MYZAP: variants seen among roughly 807,000 people sequenced by gnomAD.
MYZAP encodes myocardial zonula adherens protein.
Under a neutral mutation model 69.4 loss-of-function variants are expected in MYZAP, and 66 were observed. The observed-to-expected ratio is 0.95, with a 90% CI of 0.78 to 1.17. The LOEUF is 1.17. MYZAP is among the 50% of genes most tolerant of loss of function. The pLI is 0.00. For missense variants in MYZAP, 611 were observed against 556.2 expected (o/e 1.10, Z -0.99); for synonymous variants, 256 against 205.9 (o/e 1.24, Z -2.09).
At chr15:57,675,933 G>A (rs945515454) in intron 12 of MYZAP, among the ~76,000 whole-genome samples, 6 of 152,116 alleles carry the variant, frequency 3.9e-5, no homozygotes, top group Non-Finnish European at 8.8e-5. Flanking sequence ...GTGTGAACAG[G>A]GGCACTTGTG....
intron 2 of MYZAP, among the ~76,000 whole-genome samples, chr15:57,608,375 C>T (rs919045813): frequency 7.2e-5 from 11 of 152,332 alleles, no homozygotes; most frequent in African/African-American, 2.6e-4. Context: ...GTATTTTGCC[C>T]ATTTCCACAA....
chr15:57,654,040 TTTAGAGG>T (rs11277740), intron 10 of MYZAP, among the ~76,000 whole-genome samples: 123,459 of 128,872 alleles, frequency 0.96, 59,458 homozygotes, highest in East Asian at 1. Flanking sequence ...AAAGTCCCTA[TTTAGAGG>T]TTAGAGGTTA....
chr15:57,684,416 C>T lies in MYZAP; in HGVS notation c.1319C>T (p.Thr440Ile), dbSNP rs1164439031. The T allele has an allele frequency of 1.9e-6, 3 of 1,612,712 alleles. No homozygotes were observed. The highest frequency in any genetic ancestry group is 2.5e-6 in the Non-Finnish European group (3 of 1,179,308). ...TCATTTCTCAGCCAAACAGGCAGGA[C>T]TCGTGAAATTGTGATGCCTTCTAGG... The part of the protein sequence containing the change: ...CDLLPSQTGR[T>I]REIVMPSRNY... The change falls in exon 13 of 13, where the codon ACT (threonine) becomes ATT (isoleucine). Residue 440 changes from threonine to isoleucine, a missense_variant. Coordinates refer to ENST00000267853, the MANE Select transcript of MYZAP (RefSeq NM_001018100.5).
chr15:57,627,501 T>C (rs184163714), intron 5 of MYZAP, among the ~76,000 whole-genome samples: 28 of 151,760 alleles, frequency 1.8e-4, no homozygotes, highest in Non-Finnish European at 3.5e-4. Flanking sequence ...TGATGCACGG[T>C]GTTAGGCACT....
chr15:57,604,154 G>A, intron 1 of MYZAP, 115 bp from the exon 2 acceptor site: 1 of 1,116,094 alleles, frequency 9.0e-7, no homozygotes, highest in South Asian at 1.4e-5. Context: ...GTATGATCAG[G>A]ACAGTGTTCC....
intron 10 of MYZAP, among the ~76,000 whole-genome samples, chr15:57,643,743 T>G (rs1354051996): frequency 3.2e-5 from 4 of 125,084 alleles, no homozygotes; most frequent in Admixed American, 8.2e-5. Flanking sequence ...TTTTTTTTGT[T>G]TTTTTTTTTT....
intron 9 of MYZAP, among the ~76,000 whole-genome samples, 197 bp downstream of exon 9, chr15:57,637,971 T>C (rs978109593): frequency 6.6e-6 from 1 of 152,214 alleles, no homozygotes. Context: ...CTGCAGATCA[T>C]GGCTGGTTGT....
chr15:57,607,463 A>T (rs558709697), intron 2 of MYZAP, among the ~76,000 whole-genome samples: 9 of 145,072 alleles, frequency 6.2e-5, no homozygotes, highest in East Asian at 1.9e-4. Flanking sequence ...CCTCTTTTTT[A>T]AAAAAAAATC....
intron 10 of MYZAP, among the ~76,000 whole-genome samples, chr15:57,653,437 A>G (rs1366738556): frequency 2.0e-5 from 3 of 152,206 alleles, no homozygotes; most frequent in African/African-American, 7.2e-5. Context: ...AAACAAAATA[A>G]AACAAATTTT....
intron 1 of MYZAP, among the ~76,000 whole-genome samples, chr15:57,592,969 T>C (rs1245811811): frequency 6.6e-6 from 1 of 152,122 alleles, no homozygotes; most frequent in Non-Finnish European, 1.5e-5. Context: ...AAACAGGTGG[T>C]TAAGTCCAAA....
intron 12 of MYZAP, 124 bp downstream of exon 12, chr15:57,675,192 G>C: frequency 1.1e-6 from 1 of 903,896 alleles, no homozygotes. Flanking sequence ...GCAAAGCCGA[G>C]TGGTGGCTGC....
intron 2 of MYZAP, among the ~76,000 whole-genome samples, chr15:57,606,614 A>T (rs886517131): frequency 6.6e-6 from 1 of 151,480 alleles, no homozygotes; most frequent in Admixed American, 6.6e-5. Flanking sequence ...GCATTAGGAG[A>T]TATACCTAAT....
intron 12 of MYZAP, among the ~76,000 whole-genome samples, chr15:57,683,751 A>G (rs1344323827): frequency 2.0e-5 from 3 of 151,562 alleles, no homozygotes; most frequent in African/African-American, 7.3e-5. Context: ...TCTTCTTGCT[A>G]TGTCCTCACA....
intron 1 of MYZAP, among the ~76,000 whole-genome samples, chr15:57,603,980 A>G (rs2034578785): frequency 6.6e-6 from 1 of 152,208 alleles, no homozygotes. Context: ...ATCATTCTAT[A>G]CATATTCTTA....
intron 2 of MYZAP, among the ~76,000 whole-genome samples, chr15:57,613,133 C>T (rs556370430): frequency 8.6e-5 from 13 of 151,840 alleles, no homozygotes; most frequent in Admixed American, 2.0e-4. Flanking sequence ...GGGGTTTCAC[C>T]GTGTTAGCCA....
At chr15:57,659,692 C>G (rs140371575) in intron 10 of MYZAP, among the ~76,000 whole-genome samples, 358 of 152,300 alleles carry the variant, frequency 2.4e-3, no homozygotes, top group Non-Finnish European at 3.8e-3. Context: ...ATTAATACTT[C>G]TCACCAATTT....
Position 57,646,560 on chromosome 15 carries a change from C to T in MYZAP, c.1119+7015C>T. 2.0e-6 allele frequency: 2 copies of T among 1,018,470 alleles called. 1 individual carries two copies. The highest frequency in any genetic ancestry group is 7.9e-5 in the South Asian group (2 of 25,330). The allele number at this position is 1,018,470 out of a possible 1,614,324, so 63.1% of individuals were successfully genotyped here. A position where few individuals can be genotyped will look rare whatever the true frequency, so the allele number is the denominator to read the frequency against. ...AGATGAATCCTTACTTATGGAAAAG[C>T]TGCCAAAGACATCTGCTAAGGAGAT... On this transcript the variant is annotated intron_variant, in intron 10 of 12. Coordinates refer to ENST00000267853, the MANE Select transcript of MYZAP (RefSeq NM_001018100.5).
intron 10 of MYZAP, chr15:57,647,193 A>G: frequency 1.0e-6 from 1 of 985,454 alleles, no homozygotes; most frequent in East Asian, 1.1e-4. Context: ...ACCCAGCTTA[A>G]GCAAGGAGGG....
At chr15:57,615,312 T>C (rs1221939148) in intron 2 of MYZAP, among the ~76,000 whole-genome samples, 1 of 152,164 alleles carries the variant, frequency 6.6e-6, no homozygotes, top group Non-Finnish European at 1.5e-5. Context: ...AAAATGAAAA[T>C]TTGAAATTTA....
Sources: allele counts gnomAD v4.1 joint callset (sites outside exome capture counted in the v4.1 genomes callset), GRCh38; gene constraint gnomAD v4.1.1; transcripts MANE v1.5; gene names NCBI Gene and HGNC (gene_info 2026-07-23, HGNC 2026-07-21).